The following TOX variants were observed in gnomAD, a reference collection of about 807,000 sequenced individuals.
TOX encodes the protein thymocyte selection associated high mobility group box.
A neutral mutation model predicts 53.7 loss-of-function variants in TOX; 11 were observed. The observed-to-expected ratio is 0.20, with a 90% confidence interval of 0.13 to 0.34. TOX has a LOEUF of 0.34. Ranked by LOEUF, TOX falls within the 10% of genes least tolerant of loss-of-function variation. The probability of loss-of-function intolerance (pLI) is 1.00; values close to 1 mark genes in which losing one functional copy is unlikely to be tolerated. For synonymous variants in TOX, 225 were observed against 245.3 expected (o/e 0.92, Z 0.77); for missense variants, 570 against 664.6 (o/e 0.86, Z 1.56).
intron 1 of TOX, among the ~76,000 whole-genome samples, chr8:59,009,858 T>C (rs894903039): frequency 6.6e-6 from 1 of 152,144 alleles, no homozygotes; most frequent in Non-Finnish European, 1.5e-5. Flanking sequence ...ATTTGCAGCA[T>C]TGCACCAGCA....
In TOX at chr8:58,821,291, C is replaced by A. The variant is rs180739806; in HGVS notation, c.1005+5531G>T. Among the ~76,000 whole-genome samples, 156 of 151,956 alleles carry A rather than the reference C, an allele frequency of 1.0e-3. 1 individual carries two copies. The highest frequency in any genetic ancestry group is 2.0e-3 in the Non-Finnish European group (138 of 67,984). On this transcript the variant is annotated intron_variant, in intron 6 of 8. Coordinates refer to ENST00000361421, the MANE Select transcript of TOX (RefSeq NM_014729.3). ...GCTAAATTTTCAATGATATGCAAAT[C>A]TTTCCCCCCTCCTTTCTATACCTAC... is the stretch of plus-strand genomic sequence containing the variant.
At chr8:58,849,152 T>C (rs780233678) in intron 4 of TOX, among the ~76,000 whole-genome samples, 2 of 152,086 alleles carry the variant, frequency 1.3e-5, no homozygotes, top group Non-Finnish European at 2.9e-5. Flanking sequence ...ATAACTCAAA[T>C]AAATGAGTAG....
chr8:59,089,517 T>A (rs1324635231), intron 1 of TOX, among the ~76,000 whole-genome samples: 2 of 152,178 alleles, frequency 1.3e-5, no homozygotes, highest in Non-Finnish European at 2.9e-5. Context: ...ACTAGGGAAT[T>A]CCATTCACTC....
At chr8:58,963,663 T>C (rs749758714) in intron 1 of TOX, among the ~76,000 whole-genome samples, 6 of 152,142 alleles carry the variant, frequency 3.9e-5, no homozygotes, top group Non-Finnish European at 7.4e-5. Context: ...TCCTTCCCTT[T>C]CACTTGTCGC....
chr8:58,862,537 T>G (rs919219443), intron 3 of TOX, among the ~76,000 whole-genome samples: 11 of 152,264 alleles, frequency 7.2e-5, no homozygotes, highest in Non-Finnish European at 1.5e-4. Context: ...TTATAAAAAG[T>G]TATTAAAAGG....
intron 1 of TOX, among the ~76,000 whole-genome samples, chr8:59,082,228 G>A (rs1804422492): frequency 6.6e-6 from 1 of 152,100 alleles, no homozygotes; most frequent in African/African-American, 2.4e-5. Context: ...TTTCTAATTA[G>A]AGGACCACTA....
intron 1 of TOX, among the ~76,000 whole-genome samples, chr8:59,052,688 C>T (rs567082307): frequency 6.6e-6 from 1 of 152,254 alleles, no homozygotes; most frequent in South Asian, 2.1e-4. Context: ...TGCCATTCAC[C>T]AGCTGGGTGA....
intron 1 of TOX, among the ~76,000 whole-genome samples, chr8:58,967,084 C>T (rs931596855): frequency 1.3e-5 from 2 of 151,948 alleles, no homozygotes; most frequent in Non-Finnish European, 2.9e-5. Flanking sequence ...CCGTGTTAGC[C>T]AGGATGGTCT....
intron 8 of TOX, 69 bp downstream of exon 8, chr8:58,808,049 G>A (rs1001929945): frequency 6.5e-7 from 1 of 1,534,562 alleles, no homozygotes; most frequent in Non-Finnish European, 8.8e-7. Flanking sequence ...ACAAGAGAAC[G>A]ATCAACTAGG....
Position 58,815,622 on chromosome 8 carries a change from ACAGGG to A in TOX, c.1103_1107del (p.Ala368ValfsTer22). 1 of 1,614,148 alleles carries A rather than the reference ACAGGG, an allele frequency of 6.2e-7. No individual in the cohort carries two copies. The highest frequency in any genetic ancestry group is 8.5e-7 in the Non-Finnish European group (1 of 1,180,016). On this transcript the variant is annotated frameshift_variant, in exon 7 of 9. Coordinates refer to ENST00000361421, the MANE Select transcript of TOX (RefSeq NM_014729.3). LOFTEE classifies it high-confidence loss of function. ...TGTTGGTGATAGTGGGAACTTAGGT[ACAGGG>A]CCGAGTGGGCCTGGCTGGGCCCATG...
intron 1 of TOX, among the ~76,000 whole-genome samples, chr8:59,108,246 C>T (rs1470521078): frequency 1.3e-5 from 2 of 152,154 alleles, no homozygotes; most frequent in Admixed American, 6.5e-5. Flanking sequence ...GCTGCTGAAA[C>T]GCTTGCCACT....
rs1381503098 is a variant in TOX, at chr8:58,815,441, T to A, written c.1289A>T (p.His430Leu). The change falls in exon 7 of 9, where the codon CAT (histidine) becomes CTT (leucine). Residue 430 changes from histidine to leucine, a missense_variant. Physicochemically the swap from His to Leu is moderately conservative, Grantham distance 99. Coordinates refer to ENST00000361421, the MANE Select transcript of TOX (RefSeq NM_014729.3). ...PLQISPPLHQ[H>L]LNMQQHQPLT... ...CGGCTGGTGCTGCTGCATGTTGAGA[T>A]GCTGGTGAAGAGGCGGGCTGATCTG... The A allele has an allele frequency of 1.9e-6, 3 of 1,614,072 alleles. No homozygotes were observed. Among genetic ancestry groups the A allele is most frequent in the Non-Finnish European group, 2.5e-6 (3 of 1,179,992 alleles).
chr8:58,927,347 A>C (rs1015455491), intron 3 of TOX, among the ~76,000 whole-genome samples: 1 of 152,172 alleles, frequency 6.6e-6, no homozygotes, highest in Admixed American at 6.5e-5. Flanking sequence ...AAAAGGCTCA[A>C]TTGAGGTTTC....
At chr8:59,103,728 T>A (rs1563447560) in intron 1 of TOX, among the ~76,000 whole-genome samples, 1 of 152,172 alleles carries the variant, frequency 6.6e-6, no homozygotes, top group Non-Finnish European at 1.5e-5. Flanking sequence ...CAACAGAGAT[T>A]TCTGAATATG....
chr8:59,008,028 T>C (rs1315780019), intron 1 of TOX, among the ~76,000 whole-genome samples: 2 of 152,256 alleles, frequency 1.3e-5, no homozygotes, highest in Non-Finnish European at 2.9e-5. Flanking sequence ...GAAGTCATGA[T>C]AGTTTTGACA....
chr8:58,907,543 T>A (rs1188141743), intron 3 of TOX, among the ~76,000 whole-genome samples: 8 of 151,930 alleles, frequency 5.3e-5, no homozygotes, highest in Non-Finnish European at 1.2e-4. Context: ...TGCAGTGAGC[T>A]GAGATCACAC....
chr8:58,984,220 AG>A (rs1813280083), intron 1 of TOX, among the ~76,000 whole-genome samples: 1 of 152,208 alleles, frequency 6.6e-6, no homozygotes, highest in Non-Finnish European at 1.5e-5. Flanking sequence ...ACAGAATGAA[AG>A]GGCAACCCAC....
chr8:58,826,603 T>C (rs1300887152), intron 6 of TOX, among the ~76,000 whole-genome samples: 1 of 152,172 alleles, frequency 6.6e-6, no homozygotes, highest in Non-Finnish European at 1.5e-5. Flanking sequence ...CATCCACAGG[T>C]GGACAATATT....
intron 1 of TOX, among the ~76,000 whole-genome samples, chr8:58,981,834 A>G (rs1813211041): frequency 6.6e-6 from 1 of 152,126 alleles, no homozygotes; most frequent in Non-Finnish European, 1.5e-5. Context: ...TCCATTCTTA[A>G]GAATAATCCT....
Sources: gnomAD v4.1 joint callset for allele counts (sites outside exome capture counted in the v4.1 genomes callset) on GRCh38, gnomAD v4.1.1 for gene constraint, MANE v1.5 for transcripts, NCBI Gene and HGNC (gene_info 2026-07-23, HGNC 2026-07-21) for gene names.